The following AFAP1L2 variants were observed in gnomAD, a reference collection of about 807,000 sequenced individuals.
AFAP1L2 encodes actin filament-associated protein 1-like 2.
Under a neutral mutation model 99.3 loss-of-function variants are expected in AFAP1L2, and 46 were observed. The ratio of observed to expected loss-of-function variants is 0.46; its 90% CI spans 0.37 to 0.59. The LOEUF (loss-of-function observed/expected upper bound fraction) is 0.59. Ranked by LOEUF, AFAP1L2 falls within the 20% of genes least tolerant of loss-of-function variation. AFAP1L2 has a pLI of 0.00. For synonymous variants in AFAP1L2, 397 were observed against 419.1 expected (o/e 0.95, Z 0.64); for missense variants, 959 against 1,034.9 (o/e 0.93, Z 1.01).
At chr10:114,326,502 G>T (rs2046316313) in intron 4 of AFAP1L2, among the ~76,000 whole-genome samples, 1 of 152,206 alleles carries the variant, frequency 6.6e-6, no homozygotes, top group African/African-American at 2.4e-5. Context: ...TAGGAACATG[G>T]ATTCAGGGTA....
At chr10:114,304,016 C>T (rs763152573) in intron 11 of AFAP1L2, among the ~76,000 whole-genome samples, 1 of 152,216 alleles carries the variant, frequency 6.6e-6, no homozygotes, top group Non-Finnish European at 1.5e-5. Context: ...CACCATATTC[C>T]TGTGCTGAGA....
chr10:114,329,146 C>T (rs1174118077), intron 4 of AFAP1L2, among the ~76,000 whole-genome samples: 4 of 152,168 alleles, frequency 2.6e-5, no homozygotes, highest in Admixed American at 6.5e-5. Flanking sequence ...CCCCAACTGC[C>T]GCACCAGTTC....
At chr10:114,370,303 A>T (rs1033639247) in intron 1 of AFAP1L2, among the ~76,000 whole-genome samples, 1 of 152,210 alleles carries the variant, frequency 6.6e-6, no homozygotes, top group African/African-American at 2.4e-5. Context: ...CCACACCCAG[A>T]AGCAGCTACT....
chr10:114,290,179 G>A, downstream of AFAP1L2: 1 of 1,538,980 alleles, frequency 6.5e-7, no homozygotes, highest in South Asian at 1.2e-5. Flanking sequence ...ACTTAGGGTA[G>A]GGGTCTTCGG....
At chr10:114,362,815 T>C in intron 1 of AFAP1L2, 1 of 563,610 alleles carries the variant, frequency 1.8e-6, no homozygotes, top group Non-Finnish European at 2.2e-6. Context: ...GAAAAAAATC[T>C]GATTTTCCAC....
chr10:114,286,586 A>G, the AFAP1L2 span: 9 of 1,307,658 alleles, frequency 6.9e-6, no homozygotes, highest in Non-Finnish European at 7.2e-6. Context: ...CCACCTAACC[A>G]TCATTTTCTG....
chr10:114,281,801 T>C, the AFAP1L2 span: 2 of 951,150 alleles, frequency 2.1e-6, no homozygotes, highest in African/African-American at 1.9e-5. Context: ...AAAGTGAAGA[T>C]AGAATTACTA....
chr10:114,320,298 G>C (rs2044971280), intron 5 of AFAP1L2, among the ~76,000 whole-genome samples: 1 of 152,194 alleles, frequency 6.6e-6, no homozygotes, highest in African/African-American at 2.4e-5. Context: ...TGTGGGGATA[G>C]GGCTGATAGA....
the AFAP1L2 span, among the ~76,000 whole-genome samples, chr10:114,288,585 T>C: frequency 1.3e-5 from 2 of 152,086 alleles, no homozygotes; most frequent in Non-Finnish European, 2.9e-5. Context: ...CACCTTGAGG[T>C]CCAAGGTCAC....
At chr10:114,314,107 G>A (rs1161931445) in intron 6 of AFAP1L2, 57 bp from the exon 7 acceptor site, 13 of 1,543,298 alleles carry the variant, frequency 8.4e-6, no homozygotes, top group African/African-American at 6.8e-5. Flanking sequence ...CGGAGGTGAT[G>A]TCTGCAAAGG....
chr10:114,383,626 A>G (rs776017128), intron 1 of AFAP1L2, among the ~76,000 whole-genome samples: 5 of 152,242 alleles, frequency 3.3e-5, no homozygotes, highest in Non-Finnish European at 5.9e-5. Flanking sequence ...AGAGTGAAAT[A>G]GCAATTTGAA....
intron 8 of AFAP1L2, among the ~76,000 whole-genome samples, chr10:114,309,010 C>T (rs1352444350): frequency 1.3e-5 from 2 of 152,212 alleles, no homozygotes; most frequent in Non-Finnish European, 2.9e-5. Context: ...ACATCCCAGT[C>T]TGCTCACAGG....
the AFAP1L2 span, chr10:114,289,112 C>A: frequency 6.2e-7 from 1 of 1,614,110 alleles, no homozygotes; most frequent in Non-Finnish European, 8.5e-7. Context: ...GTGCAGACTG[C>A]CTTCGGGCTG....
chr10:114,391,120 G>A (rs1473092989), intron 1 of AFAP1L2, among the ~76,000 whole-genome samples: 1 of 152,136 alleles, frequency 6.6e-6, no homozygotes, highest in Non-Finnish European at 1.5e-5. Context: ...TTTGTCCAGG[G>A]TGTCACTCAG....
intron 2 of AFAP1L2, among the ~76,000 whole-genome samples, chr10:114,337,654 T>C (rs1245533313): frequency 6.6e-6 from 1 of 152,124 alleles, no homozygotes; most frequent in African/African-American, 2.4e-5. Flanking sequence ...AAAAAGGTCA[T>C]CCTACAGGAA....
At chr10:114,352,404 G>C (rs937321295) in intron 1 of AFAP1L2, among the ~76,000 whole-genome samples, 15 of 139,866 alleles carry the variant, frequency 1.1e-4, no homozygotes, top group Non-Finnish European at 1.4e-4. Flanking sequence ...AGCCAGGGAG[G>C]CAGAGGTTGC....
chr10:114,330,190 G>GGAT, intron 4 of AFAP1L2, among the ~76,000 whole-genome samples: 1 of 152,206 alleles, frequency 6.6e-6, no homozygotes, highest in Non-Finnish European at 1.5e-5. Flanking sequence ...CAGATCCTCA[G>GGAT]CTGTGGCCCC....
intron 1 of AFAP1L2, among the ~76,000 whole-genome samples, chr10:114,392,373 A>G (rs1838990790): frequency 6.6e-6 from 1 of 152,220 alleles, no homozygotes; most frequent in Non-Finnish European, 1.5e-5. Context: ...TGGGTGACAG[A>G]GCAAGACCCT....
intron 1 of AFAP1L2, among the ~76,000 whole-genome samples, chr10:114,367,117 A>G (rs993317561): frequency 2.0e-5 from 3 of 152,208 alleles, no homozygotes; most frequent in Non-Finnish European, 4.4e-5. Flanking sequence ...AATGTGTGGG[A>G]GGTGAAGGCT....
Sources: gnomAD v4.1 joint callset for allele counts (sites outside exome capture counted in the v4.1 genomes callset) on GRCh38, gnomAD v4.1.1 for gene constraint, MANE v1.5 for transcripts, NCBI Gene and HGNC (gene_info 2026-07-23, HGNC 2026-07-21) for gene names.